COMMD1: variants seen among roughly 807,000 people sequenced by gnomAD.
The protein encoded by COMMD1 is COMM domain-containing protein 1.
A neutral mutation model predicts 17.2 loss-of-function variants in COMMD1; 10 were observed. The ratio of observed to expected loss-of-function variants is 0.58; its 90% CI spans 0.36 to 0.99. The LOEUF (loss-of-function observed/expected upper bound fraction) is 0.99, where lower values mean the gene tolerates loss of function less well. Among genes scored for constraint, COMMD1 ranks in the 50% least tolerant of loss-of-function variants. The pLI is 0.01. For missense variants in COMMD1, 270 were observed against 231.8 expected (o/e 1.17, Z -1.07); for synonymous variants, 97 against 91.6 (o/e 1.06, Z -0.34).
chr2:61,960,417 A>G (rs13432726), intron 1 of COMMD1, among the ~76,000 whole-genome samples: 4,512 of 152,250 alleles, frequency 0.03, 110 homozygotes, highest in East Asian at 0.09. Flanking sequence ...TACACCAACA[A>G]GAAGGAGTAT....
intron 1 of COMMD1, among the ~76,000 whole-genome samples, chr2:61,940,425 A>G (rs1358653936): frequency 6.6e-6 from 1 of 152,156 alleles, no homozygotes; most frequent in East Asian, 1.9e-4. Context: ...GTTAAACTGT[A>G]TGGTTTTATG....
intron 2 of COMMD1, among the ~76,000 whole-genome samples, chr2:62,021,997 T>G (rs1327493855): frequency 5.8e-4 from 1 of 1,732 alleles, no homozygotes; most frequent in African/African-American, 0.011. Context: ...TAAACTCCTA[T>G]TTTTTTTTGT....
chr2:61,962,855 TTTGCTATAATCAAACTATAATTGGG>T (rs893239600), intron 1 of COMMD1, among the ~76,000 whole-genome samples: 29 of 152,194 alleles, frequency 1.9e-4, no homozygotes, highest in African/African-American at 6.5e-4. Flanking sequence ...TTATGTCCTT[TTTGCTATAATCAAACTATAATTGGG>T]CCGGGTGTGG....
At chr2:62,058,605 G>A (rs1670773759) in intron 2 of COMMD1, among the ~76,000 whole-genome samples, 1 of 152,008 alleles carries the variant, frequency 6.6e-6, no homozygotes, top group African/African-American at 2.4e-5. Context: ...CAGGCATGAT[G>A]GTGCACTCGT....
At position 61,964,958 on chromosome 2, in the gene COMMD1, C is replaced by T. The variant is rs1671468147; in HGVS notation, c.181-35743C>T. ...GACTGAGGCGGAAGAATCGCTTGGA[C>T]CTGGGAGGCGGAGGTTGCAGTGAGC... is the stretch of plus-strand genomic sequence containing the variant. On this transcript the variant is annotated intron_variant, in intron 1 of 2. Transcript: ENST00000311832. Among the ~76,000 whole-genome samples the T allele has an allele frequency of 2.0e-5, 3 of 152,100 alleles. 1 individual carries two copies. The highest frequency in any genetic ancestry group is 1.9e-4 in the East Asian group (1 of 5,192).
rs187227517 is a variant in COMMD1, at chr2:62,052,125, T to C, written c.462+51143T>C. On this transcript the variant is annotated intron_variant, in intron 2 of 2. Coordinates refer to ENST00000311832, the MANE Select transcript of COMMD1 (RefSeq NM_152516.4). ...AGTTGGGATTAAGTTCAGCTGCAAA[T>C]AATAGAGAGCCAAATTAACACAGGC... is the stretch of plus-strand genomic sequence containing the variant. 1.2e-4 allele frequency among the ~76,000 whole-genome samples: 19 copies of C among 152,192 alleles called. No individual in the cohort carries two copies. The East Asian group carries it at 3.5e-3, about 28-fold the overall frequency.
At chr2:61,896,589 C>T (rs1669553248) in intron 1 of COMMD1, among the ~76,000 whole-genome samples, 1 of 151,988 alleles carries the variant, frequency 6.6e-6, no homozygotes, top group East Asian at 1.9e-4. Context: ...AAAAACAAAA[C>T]CCCAAATCTG....
chr2:61,993,710 A>T (rs1372966520), intron 1 of COMMD1, among the ~76,000 whole-genome samples: 1 of 152,222 alleles, frequency 6.6e-6, no homozygotes, highest in African/African-American at 2.4e-5. Flanking sequence ...CTTTGAACCT[A>T]AACCAAAATC....
upstream of COMMD1, among the ~76,000 whole-genome samples, chr2:61,905,278 G>C (rs1235432582): frequency 6.6e-6 from 1 of 152,202 alleles, no homozygotes; most frequent in Admixed American, 6.6e-5. Context: ...ATTAGGCAGA[G>C]ATTAAATCTG....
chr2:61,980,789 A>G (rs1192530477), intron 1 of COMMD1, among the ~76,000 whole-genome samples: 1 of 151,526 alleles, frequency 6.6e-6, no homozygotes, highest in Non-Finnish European at 1.5e-5. Flanking sequence ...TTCTGTTGCC[A>G]TTGCTTTTGG....
At chr2:61,957,663 GA>G (rs1319005909) in intron 1 of COMMD1, among the ~76,000 whole-genome samples, 3 of 152,128 alleles carry the variant, frequency 2.0e-5, no homozygotes, top group African/African-American at 7.2e-5. Context: ...AACTTATAAA[GA>G]AAGGAAAAGG....
rs146679438 is a variant in COMMD1, at chr2:62,032,997, T to G, written c.462+32015T>G. Among the ~76,000 whole-genome samples, 713 of 152,338 alleles carry G rather than the reference T, an allele frequency of 4.7e-3. 9 individuals are homozygous for G. Among genetic ancestry groups the G allele is most frequent in the African/African-American group, 0.016 (663 of 41,568 alleles). On this transcript the variant is annotated intron_variant, in intron 2 of 2. Coordinates refer to ENST00000311832, the MANE Select transcript of COMMD1 (RefSeq NM_152516.4). Reference sequence around the variant, plus strand: ...GTTGGTGAGGCTGGTCTTGAACTCCTGACCTCAGGTGATCTGCCCACCTTG... The same window carrying G: ...GTTGGTGAGGCTGGTCTTGAACTCCGGACCTCAGGTGATCTGCCCACCTTG...
At chr2:62,097,204 A>G (rs1199010398) in intron 2 of COMMD1, among the ~76,000 whole-genome samples, 2 of 152,154 alleles carry the variant, frequency 1.3e-5, no homozygotes, top group Non-Finnish European at 2.9e-5. Context: ...AGCTTGTCCC[A>G]TTTGGCTTTT....
At chr2:61,985,953 A>G (rs1672094963) in intron 1 of COMMD1, among the ~76,000 whole-genome samples, 1 of 152,028 alleles carries the variant, frequency 6.6e-6, no homozygotes, top group South Asian at 2.1e-4. Flanking sequence ...TCATATATCT[A>G]CTATTACCAG....
chr2:61,994,119 T>A (rs1668680512), intron 1 of COMMD1, among the ~76,000 whole-genome samples: 2 of 152,038 alleles, frequency 1.3e-5, no homozygotes, highest in Admixed American at 6.6e-5. Flanking sequence ...CTCGAGTAGG[T>A]GGGATTACAG....
intron 1 of COMMD1, among the ~76,000 whole-genome samples, chr2:61,961,349 T>C (rs1452863274): frequency 6.6e-6 from 1 of 152,134 alleles, no homozygotes; most frequent in Non-Finnish European, 1.5e-5. Flanking sequence ...ACTTTTTAAA[T>C]TGGGCAAGGG....
upstream of COMMD1, among the ~76,000 whole-genome samples, chr2:61,904,581 A>G (rs1669726870): frequency 6.6e-6 from 1 of 152,236 alleles, no homozygotes; most frequent in African/African-American, 2.4e-5. Flanking sequence ...ACATCTGGCT[A>G]CTTTGTATGT....
intron 2 of COMMD1, among the ~76,000 whole-genome samples, chr2:62,049,704 C>T (rs1670486154): frequency 6.6e-6 from 1 of 152,138 alleles, no homozygotes. Context: ...ACTGCAATAT[C>T]GTACCATCTT....
At chr2:62,087,136 T>C (rs1671694201) in intron 2 of COMMD1, among the ~76,000 whole-genome samples, 1 of 152,220 alleles carries the variant, frequency 6.6e-6, no homozygotes, top group South Asian at 2.1e-4. Flanking sequence ...ATTGGAAGAA[T>C]TTCTGAATAA....
Sources: allele counts gnomAD v4.1 joint callset (sites outside exome capture counted in the v4.1 genomes callset), GRCh38; gene constraint gnomAD v4.1.1; transcripts MANE v1.5; gene names NCBI Gene and HGNC (gene_info 2026-07-23, HGNC 2026-07-21).